SEMA3D: variants seen among roughly 807,000 people sequenced by gnomAD.
SEMA3D encodes the protein semaphorin-3D.
Under a neutral mutation model 100.1 loss-of-function variants are expected in SEMA3D, and 84 were observed. The ratio of observed to expected loss-of-function variants is 0.84; its 90% CI spans 0.70 to 1.01. SEMA3D has a LOEUF of 1.01. Ranked by LOEUF, SEMA3D falls within the 50% of genes least tolerant of loss-of-function variation. SEMA3D has a pLI of 0.00. For synonymous variants in SEMA3D, 312 were observed against 320.7 expected, an observed-to-expected ratio of 0.97 and a Z score of 0.29; for missense variants, 875 against 934.1, an observed-to-expected ratio of 0.94 and a Z score of 0.82.
intron 3 of SEMA3D, among the ~76,000 whole-genome samples, chr7:85,119,215 C>T (rs1466078476): frequency 6.6e-6 from 1 of 152,112 alleles, no homozygotes; most frequent in Non-Finnish European, 1.5e-5. Context: ...GGCAATTTCT[C>T]AAAGATCTAA....
chr7:85,174,404 A>T (rs2116556850), intron 1 of SEMA3D, among the ~76,000 whole-genome samples: 1 of 152,266 alleles, frequency 6.6e-6, no homozygotes, highest in South Asian at 2.1e-4. Flanking sequence ...ATATAAATAT[A>T]TGGGAAATAT....
At chr7:85,190,778 T>C (rs190271259), upstream of SEMA3D, among the ~76,000 whole-genome samples, 2 of 152,250 alleles carry the variant, frequency 1.3e-5, no homozygotes, top group East Asian at 3.9e-4. Flanking sequence ...AATTGGTATG[T>C]AAAACTGTCC....
At chr7:85,196,215 C>T in the SEMA3D span, among the ~76,000 whole-genome samples, 1 of 151,990 alleles carries the variant, frequency 6.6e-6, no homozygotes, top group East Asian at 1.9e-4. Context: ...CTGACATGCT[C>T]AAGGAAAATT....
At chr7:85,034,247 A>G (rs940644839) in intron 12 of SEMA3D, among the ~76,000 whole-genome samples, 1 of 152,174 alleles carries the variant, frequency 6.6e-6, no homozygotes, top group Non-Finnish European at 1.5e-5. Flanking sequence ...CTATTAAAAT[A>G]TAAGTAAATG....
intron 1 of SEMA3D, among the ~76,000 whole-genome samples, chr7:85,155,237 C>T (rs1011203487): frequency 7.2e-5 from 11 of 151,978 alleles, no homozygotes; most frequent in African/African-American, 1.2e-4. Flanking sequence ...TATCCATATA[C>T]GTTACCCCTA....
chr7:85,163,058 A>G (rs1193199442), intron 1 of SEMA3D: 3 of 747,720 alleles, frequency 4.0e-6, no homozygotes, highest in South Asian at 6.1e-5. Flanking sequence ...AAGTATATAC[A>G]TATCCAAAAT....
intron 17 of SEMA3D, among the ~76,000 whole-genome samples, chr7:85,010,226 A>G (rs963148289): frequency 1.3e-5 from 2 of 151,810 alleles, no homozygotes; most frequent in Non-Finnish European, 2.9e-5. Flanking sequence ...AGCAACAGTG[A>G]TGTGAGAGAG....
the SEMA3D span, among the ~76,000 whole-genome samples, chr7:85,241,534 G>T: frequency 7.0e-6 from 1 of 141,884 alleles, no homozygotes; most frequent in Non-Finnish European, 1.5e-5. Context: ...AATGGCATTT[G>T]CAGCAACCTG....
intron 2 of SEMA3D, among the ~76,000 whole-genome samples, chr7:85,125,174 G>C (rs1199059959): frequency 6.6e-6 from 1 of 151,842 alleles, no homozygotes; most frequent in East Asian, 1.9e-4. Flanking sequence ...ACCTTTTTAT[G>C]ACATGTAACA....
At chr7:85,218,827 C>T in the SEMA3D span, among the ~76,000 whole-genome samples, 1 of 152,092 alleles carries the variant, frequency 6.6e-6, no homozygotes, top group Non-Finnish European at 1.5e-5. Flanking sequence ...ACTTTTAACA[C>T]TCAGCAGGCT....
chr7:85,107,828 G>A (rs952396219), intron 3 of SEMA3D, among the ~76,000 whole-genome samples: 2 of 151,624 alleles, frequency 1.3e-5, no homozygotes, highest in East Asian at 1.9e-4. Context: ...TCTATTCTCC[G>A]TTCTTGAATA....
chr7:85,064,961 A>G (rs1791574961), intron 8 of SEMA3D, among the ~76,000 whole-genome samples: 1 of 152,172 alleles, frequency 6.6e-6, no homozygotes, highest in South Asian at 2.1e-4. Context: ...AGTTACCATT[A>G]CAATCTAACC....
At chr7:85,027,980 T>C in intron 12 of SEMA3D, 1 of 573,762 alleles carries the variant, frequency 1.7e-6, no homozygotes, top group Non-Finnish European at 3.4e-6. Context: ...AACAATTGAT[T>C]AGTGATACTC....
intron 2 of SEMA3D, among the ~76,000 whole-genome samples, chr7:85,132,694 C>A (rs1317767796): frequency 6.6e-6 from 1 of 151,698 alleles, no homozygotes; most frequent in Non-Finnish European, 1.5e-5. Flanking sequence ...TTCCAAATAA[C>A]ATAATAAAAT....
chr7:85,020,427 C>A, intron 13 of SEMA3D, 106 bp from the exon 14 acceptor site: 3 of 730,770 alleles, frequency 4.1e-6, no homozygotes, highest in Middle Eastern at 5.0e-4. Context: ...TCTTTAAATG[C>A]CTTTCAAAAA....
In SEMA3D at chr7:85,027,051, C is replaced by G. The variant is rs140757177; in HGVS notation, c.1192-4438G>C. On this transcript the variant is annotated intron_variant, in intron 12 of 18. Transcript: ENST00000284136. ...TATGTATTATTATCCTATGATCTAT[C>G]TTCTCCAAGATTTACTTCTGTAAAG... 3.5e-4 allele frequency among the ~76,000 whole-genome samples: 54 copies of G among 152,186 alleles called. 1 individual carries two copies. The East Asian group carries it at 9.3e-3, about 26-fold the overall frequency.
rs371554878 is a variant in SEMA3D at position 85,060,483 on chromosome 7, C to T, written c.719-4624G>A. ...ATCAATTAAACAACTTAAAATTATA[C>T]CATTAGGCACCTGGGCTTTATTATA... is the stretch of plus-strand genomic sequence containing the variant. On this transcript the variant is annotated intron_variant, in intron 8 of 18. Transcript: ENST00000284136. 2.0e-4 allele frequency among the ~76,000 whole-genome samples: 30 copies of T among 152,110 alleles called. No homozygotes were observed. In the East Asian group the frequency reaches 4.3e-3, roughly 22 times the overall value.
chr7:84,999,397 T>G lies in SEMA3D; in HGVS notation c.*43A>C. 6.6e-7 allele frequency: 1 copy of G among 1,519,362 alleles called. No individual in the cohort carries two copies. The highest frequency in any genetic ancestry group is 9.1e-7 in the Non-Finnish European group (1 of 1,104,316). The allele number at this position is 1,519,362 out of a possible 1,614,324, so 94.1% of individuals were successfully genotyped here. A position where few individuals can be genotyped will look rare whatever the true frequency, so the allele number is the denominator to read the frequency against. ...GGGATATACAAAACAGAAGGCAATG[T>G]TTTTATAGGTAAGGAATTCTTTTCT... On this transcript the variant is annotated 3_prime_UTR_variant, in exon 19 of 19. Transcript: ENST00000284136.
intron 8 of SEMA3D, among the ~76,000 whole-genome samples, chr7:85,059,165 G>A (rs899932904): frequency 6.6e-6 from 1 of 152,146 alleles, no homozygotes; most frequent in African/African-American, 2.4e-5. Flanking sequence ...AAACTGGATG[G>A]AATTCTCTAG....
Sources: allele counts gnomAD v4.1 joint callset (sites outside exome capture counted in the v4.1 genomes callset), GRCh38; gene constraint gnomAD v4.1.1; transcripts MANE v1.5; gene names NCBI Gene and HGNC (gene_info 2026-07-23, HGNC 2026-07-21).